MBTPS1: variants seen among roughly 807,000 people sequenced by gnomAD.
MBTPS1 encodes the protein membrane-bound transcription factor site-1 protease.
A neutral mutation model predicts 127.8 loss-of-function variants in MBTPS1; 94 were observed. The observed-to-expected ratio is 0.74, with a 90% CI of 0.62 to 0.87. The LOEUF (loss-of-function observed/expected upper bound fraction) is 0.87. MBTPS1 is among the 40% of genes least tolerant of loss of function. The pLI, the probability that MBTPS1 is intolerant of heterozygous loss-of-function variation, is 0.00. For missense variants in MBTPS1, 1,636 were observed against 1,353.2 expected (o/e 1.21, Z -3.28); for synonymous variants, 632 against 509.4 (o/e 1.24, Z -3.24).
chr16:84,068,978 C>T (rs189006913), intron 14 of MBTPS1, among the ~76,000 whole-genome samples: 47 of 152,322 alleles, frequency 3.1e-4, no homozygotes, highest in Non-Finnish European at 6.5e-4. Flanking sequence ...ACCTCATTCT[C>T]ACCTCCCAGC....
At chr16:84,099,460 T>C in intron 2 of MBTPS1, 150 bp from the exon 3 acceptor site, 1 of 795,534 alleles carries the variant, frequency 1.3e-6, no homozygotes, top group Non-Finnish European at 1.9e-6. Context: ...TTTAAGTACC[T>C]AGACAGCTGT....
Position 84,100,437 on chromosome 16 carries a change from G to A in MBTPS1, c.164-1127C>T, listed in dbSNP as rs185550815. Reference sequence around the variant, plus strand: ...CACATGCCTGTAATCCCAGCTACTCGGGAGGCTGAGGCAGGAGAATCGCTT... The same window carrying A: ...CACATGCCTGTAATCCCAGCTACTCAGGAGGCTGAGGCAGGAGAATCGCTT... On this transcript the variant is annotated intron_variant, in intron 2 of 22. Coordinates refer to ENST00000343411, the MANE Select transcript of MBTPS1 (RefSeq NM_003791.4). Among the ~76,000 whole-genome samples, 1,191 of 152,034 alleles carry A rather than the reference G, an allele frequency of 7.8e-3. 18 individuals are homozygous for A. Among genetic ancestry groups the A allele is most frequent in the African/African-American group, 0.027 (1,123 of 41,520 alleles).
rs371048461 is a variant in MBTPS1 at position 84,093,300 on chromosome 16, G to A, written c.737-3C>T. 247 of 1,593,254 alleles carry A rather than the reference G, an allele frequency of 1.6e-4. No individual in the cohort carries two copies. Among genetic ancestry groups the A allele is most frequent in the Non-Finnish European group, 2.0e-4 (234 of 1,161,092 alleles). ...CACGAATGTGCCATGGCCCAACCCT[G>A]CAGTCCATAAAGAAAACAATCCCAT... On this transcript the variant is annotated splice_region_variant and splice_polypyrimidine_tract_variant and intron_variant, in intron 5 of 22. Transcript: ENST00000343411.
At chr16:84,095,339 T>C (rs1251900176) in intron 4 of MBTPS1, among the ~76,000 whole-genome samples, 2 of 152,108 alleles carry the variant, frequency 1.3e-5, no homozygotes, top group Non-Finnish European at 2.9e-5. Context: ...TCAGAAATGG[T>C]AACAAAAATA....
chr16:84,098,865 C>T (rs937102371), intron 3 of MBTPS1, among the ~76,000 whole-genome samples, 188 bp downstream of exon 3: 5 of 151,580 alleles, frequency 3.3e-5, no homozygotes, highest in Non-Finnish European at 7.4e-5. Flanking sequence ...AATAATTCTG[C>T]CCCCCCAACA....
At chr16:84,113,267 T>C (rs2086423889) in intron 1 of MBTPS1, among the ~76,000 whole-genome samples, 1 of 152,204 alleles carries the variant, frequency 6.6e-6, no homozygotes, top group Non-Finnish European at 1.5e-5. Flanking sequence ...ATCCACTAAA[T>C]GTTAACTGGA....
intron 4 of MBTPS1, 86 bp downstream of exon 4, chr16:84,095,516 G>A: frequency 7.1e-7 from 1 of 1,409,468 alleles, no homozygotes; most frequent in Non-Finnish European, 9.9e-7. Flanking sequence ...TGGAATTCCT[G>A]CATGTCTGGA....
intron 11 of MBTPS1, among the ~76,000 whole-genome samples, chr16:84,080,653 C>G (rs936234318): frequency 6.6e-6 from 1 of 152,258 alleles, no homozygotes; most frequent in Non-Finnish European, 1.5e-5. Flanking sequence ...CCAGGGCAGG[C>G]CCATTCTGGG....
chr16:84,106,741 A>T (rs997464076), intron 1 of MBTPS1, among the ~76,000 whole-genome samples: 4 of 152,224 alleles, frequency 2.6e-5, no homozygotes, highest in African/African-American at 9.6e-5. Context: ...AAGGGGGCAC[A>T]GGCTGAGGCA....
chr16:84,099,952 C>T (rs770003443), intron 2 of MBTPS1, among the ~76,000 whole-genome samples: 1 of 152,166 alleles, frequency 6.6e-6, no homozygotes, highest in Non-Finnish European at 1.5e-5. Context: ...GAACTGAATG[C>T]TCAGTTAGTG....
intron 9 of MBTPS1, 151 bp downstream of exon 9, chr16:84,087,207 T>G: frequency 3.2e-6 from 2 of 630,260 alleles, no homozygotes; most frequent in Non-Finnish European, 5.6e-6. Context: ...TCCTCACGGC[T>G]GGGCAGGCAC....
At chr16:84,098,128 C>T in intron 3 of MBTPS1, among the ~76,000 whole-genome samples, 1 of 152,078 alleles carries the variant, frequency 6.6e-6, no homozygotes, top group East Asian at 1.9e-4. Flanking sequence ...TCTATTTTGA[C>T]AAGCCCAATT....
intron 2 of MBTPS1, among the ~76,000 whole-genome samples, chr16:84,100,978 AC>A (rs2086245426): frequency 8.9e-6 from 1 of 112,910 alleles, no homozygotes; most frequent in Non-Finnish European, 1.8e-5. Flanking sequence ...ACATGCTGAA[AC>A]CCCGTCTCTA....
At position 84,098,927 on chromosome 16, in the gene MBTPS1, T is replaced by C. The variant is rs2086215915; in HGVS notation, c.421+126A>G. 1.0e-5 allele frequency: 10 copies of C among 978,782 alleles called. No homozygotes were observed. The South Asian group carries it at 1.5e-4, about 15-fold the overall frequency. 60.6% of individuals were successfully genotyped at this position (978,782 alleles called of 1,614,324 possible). On this transcript the variant is annotated intron_variant, in intron 3 of 22. Coordinates refer to ENST00000343411, the MANE Select transcript of MBTPS1 (RefSeq NM_003791.4). ...AACTAAAAAATTCCTACCAGGAAAA[T>C]GTTCACAATTAGCAAACTAGATGGA...
At chr16:84,085,662 A>T (rs1245027907) in intron 9 of MBTPS1, among the ~76,000 whole-genome samples, 1 of 151,860 alleles carries the variant, frequency 6.6e-6, no homozygotes, top group Non-Finnish European at 1.5e-5. Context: ...GTAAATTTTT[A>T]AAAATATATT....
chr16:84,082,366 C>T (rs189458854), intron 10 of MBTPS1, among the ~76,000 whole-genome samples: 12 of 152,262 alleles, frequency 7.9e-5, no homozygotes, highest in South Asian at 4.1e-4. Context: ...TGAGGACCGC[C>T]GCCTCCAAAG....
chr16:84,070,615 G>C lies in MBTPS1; in HGVS notation c.1755C>G (p.Ile585Met). 1.9e-6 allele frequency: 3 copies of C among 1,612,840 alleles called. No homozygotes were observed. The highest frequency in any genetic ancestry group is 1.3e-5 in the African/African-American group (1 of 74,988). ...CTGTCTCTGCTGGGGAAGCCACAGT[G>C]ATCATGACATGGCCCTGAGCAATGC... ...WEGIAQGHVM[I>M]TVASPAETES... is the part of the protein sequence containing the mutation. The change falls in exon 13 of 23, where the codon ATC (isoleucine) becomes ATG (methionine). Residue 585 changes from isoleucine (I) to methionine (M), a missense_variant. Physicochemically the swap from Ile to Met is conservative, Grantham distance 10. Transcript: ENST00000343411.
chr16:84,106,721 T>C (rs1282397779), intron 1 of MBTPS1, among the ~76,000 whole-genome samples: 1 of 152,180 alleles, frequency 6.6e-6, no homozygotes, highest in Non-Finnish European at 1.5e-5. Context: ...TCGCTCTGGC[T>C]TCGGTGTGGA....
chr16:84,103,828 T>C (rs957644806), intron 1 of MBTPS1, among the ~76,000 whole-genome samples: 1 of 152,220 alleles, frequency 6.6e-6, no homozygotes, highest in Non-Finnish European at 1.5e-5. Flanking sequence ...TCTCTGGCAC[T>C]GGCACTGGCA....
Sources: gnomAD v4.1 joint callset for allele counts (sites outside exome capture counted in the v4.1 genomes callset) on GRCh38, gnomAD v4.1.1 for gene constraint, MANE v1.5 for transcripts, NCBI Gene and HGNC (gene_info 2026-07-23, HGNC 2026-07-21) for gene names.